MTREX: variants seen among roughly 807,000 people sequenced by gnomAD.
The protein encoded by MTREX is Mtr4 exosome RNA helicase, also known as exosome RNA helicase MTR4.
MTREX carries 76 observed loss-of-function variants against 135.4 expected under a neutral mutation model. The observed-to-expected ratio is 0.56, with a 90% CI of 0.47 to 0.68. MTREX has a LOEUF of 0.68. MTREX is among the 30% of genes least tolerant of loss of function. The pLI is 0.00. For synonymous variants in MTREX, 404 were observed against 401.6 expected (o/e 1.01, Z -0.07); for missense variants, 920 against 1,262.1 (o/e 0.73, Z 4.11).
At chr5:55,382,789 C>A (rs564783467) in intron 18 of MTREX, among the ~76,000 whole-genome samples, 15 of 152,124 alleles carry the variant, frequency 9.9e-5, no homozygotes, top group Middle Eastern at 6.8e-3. Context: ...CACGCCACCA[C>A]ACCCAGCTAA....
chr5:55,345,183 A>G lies in MTREX; in HGVS notation c.1095A>G (p.Lys365=), dbSNP rs978748581. 2 of 1,609,196 alleles carry G rather than the reference A, an allele frequency of 1.2e-6. No homozygotes were observed. Among genetic ancestry groups the G allele is most frequent in the African/African-American group, 1.3e-5 (1 of 74,948 alleles). The change falls in exon 10 of 27, where the codon AAA becomes AAG. Residue 365 remains lysine (K), a synonymous_variant. Coordinates refer to ENST00000230640, the MANE Select transcript of MTREX (RefSeq NM_015360.5). The part of the protein sequence containing the change: ...DLAKGDQKGR[K]GGTKGPSNVF... ...CCAAAGGAGACCAGAAAGGGCGGAA[A>G]GGAGGAACAAAAGGTAATTTGGAAC...
At chr5:55,365,788 G>A (rs985076996) in intron 15 of MTREX, among the ~76,000 whole-genome samples, 3 of 152,088 alleles carry the variant, frequency 2.0e-5, no homozygotes, top group East Asian at 1.9e-4. Context: ...TCAAGAGATC[G>A]AGACTATCCT....
chr5:55,398,262 CAAG>C (rs2111586569), intron 20 of MTREX, among the ~76,000 whole-genome samples: 2 of 125,878 alleles, frequency 1.6e-5, no homozygotes, highest in South Asian at 6.0e-4. Context: ...AAAAAAAAAA[CAAG>C]GAAGTGATTT....
rs1170990704 is a variant in MTREX at position 55,328,779 on chromosome 5, A to G, written c.483A>G (p.Ala161=). The G allele has an allele frequency of 1.9e-6, 3 of 1,612,090 alleles. No individual in the cohort carries two copies. Among genetic ancestry groups the G allele is most frequent in the Non-Finnish European group, 1.7e-6 (2 of 1,178,534 alleles). The change falls in exon 5 of 27, where the codon GCA becomes GCG. Residue 161 remains alanine, a synonymous_variant. Transcript: ENST00000230640. ...ATAATCAGTCTGTTCTAGTATCTGCACATACCTCAGCGGGAAAAACAGTAT... is the reference window on the plus strand; with the variant it reads ...ATAATCAGTCTGTTCTAGTATCTGCGCATACCTCAGCGGGAAAAACAGTAT... ...VDNNQSVLVS[A]HTSAGKTVCA...
At chr5:55,326,733 A>G (rs1335180095) in intron 3 of MTREX, among the ~76,000 whole-genome samples, 3 of 152,172 alleles carry the variant, frequency 2.0e-5, no homozygotes, top group Admixed American at 2.0e-4. Context: ...GTTCTGGGGT[A>G]CATGTGCAGA....
Position 55,316,533 on chromosome 5 carries a change from C to T in MTREX, c.135-5794C>T, listed in dbSNP as rs184775308. On this transcript the variant is annotated intron_variant, in intron 1 of 26. Coordinates refer to ENST00000230640, the MANE Select transcript of MTREX (RefSeq NM_015360.5). ...CATGAACAGAACTAAAGACAAAAAA[C>T]CACATGATTATTTCAATACATGCAG... 1.4e-3 allele frequency among the ~76,000 whole-genome samples: 220 copies of T among 152,218 alleles called. 1 individual carries two copies. Among genetic ancestry groups the T allele is most frequent in the Middle Eastern group, 3.4e-3 (1 of 294 alleles).
intron 12 of MTREX, 63 bp downstream of exon 12, chr5:55,349,715 C>G (rs1025302231): frequency 3.3e-6 from 3 of 896,386 alleles, no homozygotes; most frequent in Non-Finnish European, 5.5e-6. Flanking sequence ...ATTCACTTTA[C>G]ATTGCTTGGT....
intron 1 of MTREX, among the ~76,000 whole-genome samples, chr5:55,321,198 C>T (rs1356626346): frequency 6.6e-6 from 1 of 151,994 alleles, no homozygotes; most frequent in Non-Finnish European, 1.5e-5. Context: ...ACATAAAATT[C>T]ATTAGAGTTT....
intron 10 of MTREX, among the ~76,000 whole-genome samples, chr5:55,346,593 T>A (rs1749736889): frequency 6.6e-6 from 1 of 152,238 alleles, no homozygotes; most frequent in Admixed American, 6.5e-5. Flanking sequence ...GCTAATGATG[T>A]TGAACATTTT....
At chr5:55,356,605 A>T in intron 14 of MTREX, 1 of 183,720 alleles carries the variant, frequency 5.4e-6, no homozygotes. Context: ...GCCAGGTTGG[A>T]CATACTGGGT....
chr5:55,396,659 G>A (rs181009199), intron 19 of MTREX, among the ~76,000 whole-genome samples: 13 of 152,284 alleles, frequency 8.5e-5, no homozygotes, highest in Non-Finnish European at 1.8e-4. Flanking sequence ...ATTTGTGCAA[G>A]GTCACACAAC....
At chr5:55,357,475 C>A in intron 14 of MTREX, 1 of 156,818 alleles carries the variant, frequency 6.4e-6, no homozygotes, top group Non-Finnish European at 1.4e-5. Context: ...CCAGATCCAG[C>A]TAGACATCGT....
intron 15 of MTREX, among the ~76,000 whole-genome samples, chr5:55,362,208 C>T (rs1430494871): frequency 6.6e-6 from 1 of 150,672 alleles, no homozygotes; most frequent in East Asian, 2.0e-4. Flanking sequence ...GCTGGGATTA[C>T]AGGCATGAAC....
chr5:55,388,259 G>C (rs553098269), intron 19 of MTREX, among the ~76,000 whole-genome samples, 157 bp downstream of exon 19: 1 of 152,032 alleles, frequency 6.6e-6, no homozygotes, highest in Non-Finnish European at 1.5e-5. Flanking sequence ...GCTATCTAAC[G>C]TATCAGTAGG....
intron 19 of MTREX, among the ~76,000 whole-genome samples, chr5:55,395,066 A>G (rs1330544904): frequency 2.0e-5 from 3 of 151,586 alleles, no homozygotes; most frequent in Non-Finnish European, 4.4e-5. Context: ...ATTTATAACC[A>G]TATGAAAATA....
intron 25 of MTREX, among the ~76,000 whole-genome samples, chr5:55,422,195 A>G (rs1751065673): frequency 6.6e-6 from 1 of 152,192 alleles, no homozygotes; most frequent in Non-Finnish European, 1.5e-5. Context: ...TCCTCTTTGC[A>G]CAAGTCTAGC....
intron 16 of MTREX, among the ~76,000 whole-genome samples, chr5:55,374,214 G>A (rs1443052191): frequency 6.6e-6 from 1 of 151,380 alleles, no homozygotes; most frequent in East Asian, 1.9e-4. Flanking sequence ...CCAAGATTGT[G>A]CCACTGAACT....
intron 1 of MTREX, among the ~76,000 whole-genome samples, 189 bp downstream of exon 1, chr5:55,308,336 C>T (rs1749007824): frequency 6.6e-6 from 1 of 152,056 alleles, no homozygotes; most frequent in Admixed American, 6.5e-5. Context: ...TTGGCGTTTC[C>T]TGGTGTCTGC....
intron 5 of MTREX, among the ~76,000 whole-genome samples, chr5:55,338,677 T>C (rs1483894451): frequency 6.6e-6 from 1 of 151,660 alleles, no homozygotes; most frequent in African/African-American, 2.4e-5. Flanking sequence ...GATTTGATAA[T>C]TTCTCTCAAT....
Sources: allele counts gnomAD v4.1 joint callset (sites outside exome capture counted in the v4.1 genomes callset), GRCh38; gene constraint gnomAD v4.1.1; transcripts MANE v1.5; gene names NCBI Gene and HGNC (gene_info 2026-07-23, HGNC 2026-07-21).